The following TJP2 variants were observed in gnomAD, a reference collection of about 807,000 sequenced individuals.
The protein encoded by TJP2 is Friedreich ataxia region gene X104 (tight junction protein ZO-2).
TJP2 carries 91 observed loss-of-function variants against 133.1 expected under a neutral mutation model. The ratio of observed to expected loss-of-function variants is 0.68; its 90% CI spans 0.58 to 0.81. The LOEUF (loss-of-function observed/expected upper bound fraction) is 0.81. Among genes scored for constraint, TJP2 ranks in the 40% least tolerant of loss-of-function variants. The pLI, the probability that TJP2 is intolerant of heterozygous loss-of-function variation, is 0.00. For missense variants in TJP2, 1,541 were observed against 1,565.6 expected (o/e 0.98, Z 0.26); for synonymous variants, 592 against 583.4 (o/e 1.01, Z -0.21).
At chr9:69,246,334 G>A (rs945601025) in intron 17 of TJP2, 1 of 361,942 alleles carries the variant, frequency 2.8e-6, no homozygotes, top group Admixed American at 3.8e-5. Context: ...ACTAATTAGT[G>A]TATACACCTC....
intron 1 of TJP2, among the ~76,000 whole-genome samples, chr9:69,209,153 TA>T (rs767892509): frequency 5.3e-5 from 8 of 152,280 alleles, no homozygotes; most frequent in Non-Finnish European, 1.0e-4. Flanking sequence ...TTTCTTTCTT[TA>T]TTTTTTTTGA....
chr9:69,200,179 G>A (rs1340930798), intron 1 of TJP2, among the ~76,000 whole-genome samples: 2 of 150,932 alleles, frequency 1.3e-5, no homozygotes, highest in Non-Finnish European at 3.0e-5. Context: ...GCAATGTCTT[G>A]AACACCCTTG....
chr9:69,149,899 C>T (rs372320152), intron 1 of TJP2, among the ~76,000 whole-genome samples: 13 of 152,156 alleles, frequency 8.5e-5, no homozygotes, highest in African/African-American at 3.1e-4. Context: ...CCTGTAATCC[C>T]AGCACTTTAG....
chr9:69,173,377 A>C (rs1242919019), upstream of TJP2, among the ~76,000 whole-genome samples: 1 of 152,322 alleles, frequency 6.6e-6, no homozygotes, highest in South Asian at 2.1e-4. Flanking sequence ...TCACTGCACA[A>C]TTCTTTGCAC....
chr9:69,254,696 AATAACT>A lies in TJP2; in HGVS notation c.*325_*330del. On this transcript the variant is annotated 3_prime_UTR_variant, in exon 23 of 23. Transcript: ENST00000377245. ...ACTTGTAATATGTATATTAAGAAGC[AATAACT>A]ATTTTTCCTCATTAATAGCTGCCTT... 1.7e-6 allele frequency: 1 copy of A among 572,572 alleles called. No individual in the cohort carries two copies. The highest frequency in any genetic ancestry group is 2.4e-5 in the South Asian group (1 of 41,440). The allele number at this position is 572,572 out of a possible 1,614,324, so 35.5% of individuals were successfully genotyped here. A position where few individuals can be genotyped will look rare whatever the true frequency, so the allele number is the denominator to read the frequency against.
intron 1 of TJP2, among the ~76,000 whole-genome samples, chr9:69,138,531 C>A (rs1587890325): frequency 6.6e-6 from 1 of 151,534 alleles, no homozygotes; most frequent in East Asian, 1.9e-4. Context: ...CTTTGGGAGG[C>A]TGAGGTGGGC....
At chr9:69,182,452 C>T (rs993783873) in intron 1 of TJP2, among the ~76,000 whole-genome samples, 6 of 152,112 alleles carry the variant, frequency 3.9e-5, no homozygotes, top group Non-Finnish European at 5.9e-5. Context: ...GCCCCAAGTT[C>T]GTTTTGAGCC....
intron 1 of TJP2, among the ~76,000 whole-genome samples, chr9:69,151,271 C>G (rs534771974): frequency 6.6e-6 from 1 of 152,006 alleles, no homozygotes; most frequent in South Asian, 2.1e-4. Flanking sequence ...CACCTGAGGT[C>G]GGGAGTTCAA....
intron 1 of TJP2, among the ~76,000 whole-genome samples, chr9:69,193,434 C>T (rs1826339907): frequency 6.6e-6 from 1 of 150,650 alleles, no homozygotes; most frequent in Non-Finnish European, 1.5e-5. Flanking sequence ...TTTGAAATCA[C>T]ATATAATTTC....
Position 69,156,644 on chromosome 9 carries a change from G to T in TJP2, c.-10+4873G>T, listed in dbSNP as rs1823781585. On this transcript the variant is annotated intron_variant, in intron 2 of 5. Coordinates refer to the TJP2 transcript ENST00000423935. ...CCTTCCGGGTTCACGCCATTCTCCT[G>T]CCTCAGCCTCCCGAGTAGCTGGGAC... Among the ~76,000 whole-genome samples, 5 of 146,596 alleles carry T rather than the reference G, an allele frequency of 3.4e-5. No individual in the cohort carries two copies. The Admixed American group carries it at 3.6e-4, about 10-fold the overall frequency.
chr9:69,196,940 TGTGTGTACACAC>T (rs1354656072), intron 1 of TJP2, among the ~76,000 whole-genome samples: 38 of 70,518 alleles, frequency 5.4e-4, no homozygotes, highest in Non-Finnish European at 8.9e-4. Context: ...TGTGTGTGTG[TGTGTGTACACAC>T]ACACACACAC....
chr9:69,187,602 C>T (rs535507034), intron 1 of TJP2, among the ~76,000 whole-genome samples: 17 of 152,216 alleles, frequency 1.1e-4, no homozygotes, highest in Admixed American at 1.1e-3. Flanking sequence ...AAAAAATGTC[C>T]TCAATTAGAT....
chr9:69,174,444 C>T lies in TJP2; in HGVS notation c.60+12C>T. 3.2e-6 allele frequency: 5 copies of T among 1,550,416 alleles called. No individual in the cohort carries two copies. The highest frequency in any genetic ancestry group is 4.4e-6 in the Non-Finnish European group (5 of 1,146,744). ...CAGGTTGGCTCCGCGTAAGTGCCTCCTTGTGCCGCGCGGTTGGGAGGAGGG... is the reference window on the plus strand; with the variant it reads ...CAGGTTGGCTCCGCGTAAGTGCCTCTTTGTGCCGCGCGGTTGGGAGGAGGG... On this transcript the variant is annotated intron_variant, in intron 1 of 22. Transcript: ENST00000377245.
In TJP2 at chr9:69,168,804, A is replaced by T. The variant is rs1359341857; in HGVS notation, c.-10+17033A>T. ...GCAACAAGCGCGAAACTGTCTCAAA[A>T]AAAAAAAAAAAAGAAAAAAGAAAGT... is the stretch of plus-strand genomic sequence containing the variant. On this transcript the variant is annotated intron_variant, in intron 2 of 5. Coordinates refer to the TJP2 transcript ENST00000423935. 1.2e-3 allele frequency among the ~76,000 whole-genome samples: 183 copies of T among 148,478 alleles called. 3 individuals carry two copies. In the East Asian group the frequency reaches 0.023, roughly 19 times the overall value.
At position 69,230,366 on chromosome 9, in the gene TJP2, T is replaced by C. The variant is rs1206124553; in HGVS notation, c.1671+134T>C. On this transcript the variant is annotated intron_variant, in intron 11 of 22. Transcript: ENST00000377245. Reference sequence around the variant, plus strand: ...GCTGCAAGTTTGTTGATGCCCAGCATTGAAGTCTCTGTATTCCTCAAATGC... The same window carrying C: ...GCTGCAAGTTTGTTGATGCCCAGCACTGAAGTCTCTGTATTCCTCAAATGC... The C allele has an allele frequency of 1.1e-5, 12 of 1,123,090 alleles. No individual in the cohort carries two copies. The Admixed American group carries it at 1.2e-4, about 11-fold the overall frequency. 69.6% of individuals were successfully genotyped at this position (1,123,090 alleles called of 1,614,324 possible). A position where few individuals can be genotyped will look rare whatever the true frequency, so the allele number is the denominator to read the frequency against.
At chr9:69,249,608 G>A (rs1831186874) in intron 20 of TJP2, 123 bp downstream of exon 20, 5 of 1,540,528 alleles carry the variant, frequency 3.2e-6, no homozygotes, top group Non-Finnish European at 4.4e-6. Flanking sequence ...GACTCACTGT[G>A]TTCTCTATTA....
chr9:69,149,087 C>T (rs994261571), intron 1 of TJP2, among the ~76,000 whole-genome samples: 1 of 152,012 alleles, frequency 6.6e-6, no homozygotes, highest in Admixed American at 6.6e-5. Context: ...TTCTTTCTGC[C>T]AAATGTTCTT....
chr9:69,164,314 A>C (rs1564393644), intron 2 of TJP2, among the ~76,000 whole-genome samples: 1 of 152,044 alleles, frequency 6.6e-6, no homozygotes, highest in Non-Finnish European at 1.5e-5. Flanking sequence ...TCTGGTGATA[A>C]GTTTTTTAAA....
intron 2 of TJP2, among the ~76,000 whole-genome samples, chr9:69,153,685 T>C (rs1429009013): frequency 6.6e-6 from 1 of 152,220 alleles, no homozygotes; most frequent in African/African-American, 2.4e-5. Flanking sequence ...CAAAGAGAGA[T>C]TGGAGCTAGC....
Sources: allele counts gnomAD v4.1 joint callset (sites outside exome capture counted in the v4.1 genomes callset), GRCh38; gene constraint gnomAD v4.1.1; transcripts MANE v1.5; gene names NCBI Gene and HGNC (gene_info 2026-07-23, HGNC 2026-07-21).